Variants in LDB2 observed in about 807,000 individuals in gnomAD.
The protein encoded by LDB2 is LIM domain binding 2.
A neutral mutation model predicts 44.3 loss-of-function variants in LDB2; 12 were observed. The ratio of observed to expected loss-of-function variants is 0.27; its 90% CI spans 0.17 to 0.44. The LOEUF (loss-of-function observed/expected upper bound fraction) is 0.44, where lower values mean the gene tolerates loss of function less well. LDB2 is among the 20% of genes least tolerant of loss of function. LDB2 has a pLI of 1.00. For synonymous variants in LDB2, 164 were observed against 174.8 expected (o/e 0.94, Z 0.49); for missense variants, 344 against 473.5 (o/e 0.73, Z 2.54).
intron 1 of LDB2, among the ~76,000 whole-genome samples, chr4:16,802,098 C>T (rs1367481425): frequency 6.6e-6 from 1 of 151,754 alleles, no homozygotes; most frequent in African/African-American, 2.4e-5. Context: ...TAGGGAAGGG[C>T]TCCAAGTGTC....
intron 2 of LDB2, among the ~76,000 whole-genome samples, chr4:16,666,913 T>C (rs553265160): frequency 4.6e-5 from 7 of 152,246 alleles, no homozygotes; most frequent in African/African-American, 1.7e-4. Flanking sequence ...TCCCTCCACA[T>C]TGGTCAGCTC....
chr4:16,804,111 G>A (rs1778343446), intron 1 of LDB2, among the ~76,000 whole-genome samples: 1 of 152,146 alleles, frequency 6.6e-6, no homozygotes, highest in Middle Eastern at 3.4e-3. Flanking sequence ...TGTGTAAATT[G>A]AAAAAACAGA....
At chr4:16,751,823 C>T (rs1442833690) in intron 2 of LDB2, among the ~76,000 whole-genome samples, 1 of 152,156 alleles carries the variant, frequency 6.6e-6, no homozygotes, top group Non-Finnish European at 1.5e-5. Context: ...AAATCAACTT[C>T]GAATGACAAT....
At chr4:16,670,798 G>A (rs975506098) in intron 2 of LDB2, among the ~76,000 whole-genome samples, 1 of 152,126 alleles carries the variant, frequency 6.6e-6, no homozygotes, top group Non-Finnish European at 1.5e-5. Flanking sequence ...AATATATGTC[G>A]CTCATAAGAG....
chr4:16,522,263 C>T (rs377437195), intron 5 of LDB2, among the ~76,000 whole-genome samples: 21 of 69,570 alleles, frequency 3.0e-4, no homozygotes, highest in African/African-American at 7.7e-4. Flanking sequence ...TATTCCCCGC[C>T]GTGTGTGTGT....
intron 5 of LDB2, among the ~76,000 whole-genome samples, chr4:16,576,156 A>G (rs1748203901): frequency 6.6e-6 from 1 of 152,264 alleles, no homozygotes; most frequent in Non-Finnish European, 1.5e-5. Flanking sequence ...CTTCAAATAA[A>G]CAACCTAACA....
chr4:16,737,233 A>C (rs1392174552), intron 2 of LDB2, among the ~76,000 whole-genome samples: 1 of 151,936 alleles, frequency 6.6e-6, no homozygotes, highest in Non-Finnish European at 1.5e-5. Flanking sequence ...ATTTAATTTT[A>C]TTTATTTATT....
chr4:16,603,686 A>C (rs909561405), intron 2 of LDB2, among the ~76,000 whole-genome samples: 3 of 152,100 alleles, frequency 2.0e-5, no homozygotes, highest in Admixed American at 6.6e-5. Context: ...TCTTCATATG[A>C]ACCTTAAAAT....
chr4:16,682,315 C>T (rs1461417779), intron 2 of LDB2, among the ~76,000 whole-genome samples: 2 of 152,086 alleles, frequency 1.3e-5, no homozygotes, highest in Non-Finnish European at 2.9e-5. Flanking sequence ...TCTCTGAGGA[C>T]AAGGATTATT....
chr4:16,643,270 C>T (rs1184666424), intron 2 of LDB2, among the ~76,000 whole-genome samples: 2 of 152,122 alleles, frequency 1.3e-5, no homozygotes, highest in South Asian at 2.1e-4. Context: ...GACATACCTA[C>T]GTTCAAATCC....
chr4:16,507,177 AT>A (rs1369450767), intron 7 of LDB2: 1 of 152,198 alleles, frequency 6.6e-6, no homozygotes, highest in East Asian at 1.9e-4. Context: ...GACTATTTTC[AT>A]TATTTGAAGA....
chr4:16,869,609 G>A (rs947539736), intron 1 of LDB2, among the ~76,000 whole-genome samples: 2 of 152,148 alleles, frequency 1.3e-5, no homozygotes, highest in Non-Finnish European at 2.9e-5. Context: ...AGGCATGGTC[G>A]ACCTGAAATC....
intron 2 of LDB2, among the ~76,000 whole-genome samples, chr4:16,742,127 A>C (rs1319689821): frequency 1.5e-5 from 2 of 130,820 alleles, no homozygotes; most frequent in East Asian, 4.4e-4. Flanking sequence ...GCTGGAGTTC[A>C]GTGGCACAAT....
intron 5 of LDB2, among the ~76,000 whole-genome samples, chr4:16,548,558 T>G (rs1448045197): frequency 1.3e-5 from 2 of 152,210 alleles, no homozygotes; most frequent in African/African-American, 4.8e-5. Flanking sequence ...TATTCCTATA[T>G]GTACCTTGAA....
At chr4:16,692,662 C>T (rs1342801510) in intron 2 of LDB2, among the ~76,000 whole-genome samples, 1 of 152,138 alleles carries the variant, frequency 6.6e-6, no homozygotes, top group Non-Finnish European at 1.5e-5. Context: ...CACACCCCCT[C>T]AAGCTGGTCA....
intron 1 of LDB2, among the ~76,000 whole-genome samples, chr4:16,805,875 G>A (rs1301166215): frequency 6.6e-6 from 1 of 152,172 alleles, no homozygotes; most frequent in African/African-American, 2.4e-5. Flanking sequence ...TTTCTGGCAT[G>A]AGAATTTTCT....
rs577867383 is a variant in LDB2, at chr4:16,631,437, G to A, written c.236-35562C>T. Reference sequence around the variant, plus strand: ...ATCTCTGGGACTCATTTAAAGCAGTGTGTAGAGGGAAATTTATAGCACTAA... The same window carrying A: ...ATCTCTGGGACTCATTTAAAGCAGTATGTAGAGGGAAATTTATAGCACTAA... On this transcript the variant is annotated intron_variant, in intron 2 of 7. Coordinates refer to ENST00000304523, the MANE Select transcript of LDB2 (RefSeq NM_001290.5). Among the ~76,000 whole-genome samples, 55 of 152,170 alleles carry A rather than the reference G, an allele frequency of 3.6e-4. 1 individual carries two copies. The highest frequency in any genetic ancestry group is 1.2e-4 in the Non-Finnish European group (8 of 68,026).
intron 6 of LDB2, among the ~76,000 whole-genome samples, chr4:16,509,882 G>A (rs1449009262): frequency 2.0e-5 from 3 of 152,228 alleles, no homozygotes; most frequent in South Asian, 4.2e-4. Flanking sequence ...TTGGGAGGAC[G>A]AGGCAAGTGG....
intron 1 of LDB2, among the ~76,000 whole-genome samples, chr4:16,893,787 T>C (rs903610644): frequency 1.3e-5 from 2 of 150,556 alleles, no homozygotes; most frequent in African/African-American, 4.9e-5. Flanking sequence ...GTGTTTATGG[T>C]ATTTTTTTTT....
Sources: allele counts gnomAD v4.1 joint callset (sites outside exome capture counted in the v4.1 genomes callset), GRCh38; gene constraint gnomAD v4.1.1; transcripts MANE v1.5; gene names NCBI Gene and HGNC (gene_info 2026-07-23, HGNC 2026-07-21).